Variants in TRHDE observed in about 807,000 individuals in gnomAD.
TRHDE encodes thyrotropin-releasing hormone-degrading ectoenzyme.
In TRHDE, 72 loss-of-function variants were observed where a neutral mutation model predicts 125.7. The ratio of observed to expected loss-of-function variants is 0.57; its 90% CI spans 0.47 to 0.70. TRHDE has a LOEUF of 0.70. Among genes scored for constraint, TRHDE ranks in the 30% least tolerant of loss-of-function variants. The probability of loss-of-function intolerance (pLI) is 0.00; values close to 1 mark genes in which losing one functional copy is unlikely to be tolerated. For synonymous variants in TRHDE, 509 were observed against 509.1 expected (o/e 1.00, Z 0.00); for missense variants, 1,110 against 1,327.1 (o/e 0.84, Z 2.54).
At chr12:72,369,129 A>G (rs1871462620) in intron 2 of TRHDE, among the ~76,000 whole-genome samples, 1 of 152,164 alleles carries the variant, frequency 6.6e-6, no homozygotes, top group Non-Finnish European at 1.5e-5. Context: ...CTATAAAGAG[A>G]TGAAATAAAC....
chr12:72,337,540 A>G (rs548974450), intron 2 of TRHDE, among the ~76,000 whole-genome samples: 10 of 152,208 alleles, frequency 6.6e-5, no homozygotes, highest in African/African-American at 2.4e-4. Context: ...GTATTTATAG[A>G]TTATGATCAG....
At chr12:72,472,509 T>C (rs1174364666) in intron 4 of TRHDE, among the ~76,000 whole-genome samples, 1 of 152,146 alleles carries the variant, frequency 6.6e-6, no homozygotes, top group Non-Finnish European at 1.5e-5. Flanking sequence ...AACCCTTAGT[T>C]TTATCAATCA....
intron 2 of TRHDE, 47 bp from the exon 3 acceptor site, chr12:72,377,948 T>C (rs1871968203): frequency 7.3e-7 from 1 of 1,375,198 alleles, no homozygotes; most frequent in South Asian, 1.5e-5. Context: ...AAGATAAAAC[T>C]CAAGTGCTAA....
At chr12:72,586,105 A>ATTT (rs894493720) in intron 12 of TRHDE, among the ~76,000 whole-genome samples, 2 of 152,076 alleles carry the variant, frequency 1.3e-5, no homozygotes, top group African/African-American at 4.8e-5. Flanking sequence ...CATGAAATCT[A>ATTT]TTTTTGGCTT....
At chr12:72,656,017 A>C (rs997515033) in intron 17 of TRHDE, among the ~76,000 whole-genome samples, 2 of 152,172 alleles carry the variant, frequency 1.3e-5, no homozygotes, top group Non-Finnish European at 2.9e-5. Context: ...TTAGGGAAGC[A>C]CTGGAAAACC....
At chr12:72,215,215 T>C (rs973697033) in intron 2 of TRHDE, among the ~76,000 whole-genome samples, 2 of 151,604 alleles carry the variant, frequency 1.3e-5, no homozygotes, top group African/African-American at 2.4e-5. Context: ...GGTCGCAAGG[T>C]GCTCAGTGGG....
At chr12:72,153,392 T>C (rs1184979713) in intron 2 of TRHDE, among the ~76,000 whole-genome samples, 1 of 152,226 alleles carries the variant, frequency 6.6e-6, no homozygotes, top group African/African-American at 2.4e-5. Flanking sequence ...TGTCTCTATT[T>C]CCTTCAGTTC....
At chr12:72,539,221 AT>A (rs1869022113) in intron 6 of TRHDE, among the ~76,000 whole-genome samples, 2 of 151,820 alleles carry the variant, frequency 1.3e-5, no homozygotes. Flanking sequence ...CATTCATTTT[AT>A]TTTGCTTTGC....
chr12:72,471,282 G>T (rs962169612), intron 4 of TRHDE, among the ~76,000 whole-genome samples: 1 of 152,116 alleles, frequency 6.6e-6, no homozygotes, highest in African/African-American at 2.4e-5. Flanking sequence ...GCTTAAGGGG[G>T]ATCCTTTGCA....
intron 2 of TRHDE, among the ~76,000 whole-genome samples, chr12:72,124,982 A>C (rs1875679555): frequency 6.6e-6 from 1 of 152,174 alleles, no homozygotes; most frequent in Non-Finnish European, 1.5e-5. Flanking sequence ...TTAGGTTTTT[A>C]AATGTTGAGT....
intron 15 of TRHDE, among the ~76,000 whole-genome samples, chr12:72,639,216 T>C (rs1246355441): frequency 6.6e-6 from 1 of 152,030 alleles, no homozygotes; most frequent in Non-Finnish European, 1.5e-5. Context: ...TTTTATTCTT[T>C]TTTCTCTAAA....
intron 2 of TRHDE, among the ~76,000 whole-genome samples, chr12:72,147,129 G>A (rs1876247133): frequency 6.6e-6 from 1 of 151,854 alleles, no homozygotes; most frequent in Non-Finnish European, 1.5e-5. Flanking sequence ...AAAATAGGGG[G>A]TGTGGTGGAC....
At chr12:72,457,216 G>C (rs866227793) in intron 3 of TRHDE, among the ~76,000 whole-genome samples, 1 of 152,060 alleles carries the variant, frequency 6.6e-6, no homozygotes, top group Non-Finnish European at 1.5e-5. Flanking sequence ...TGCAGGCCGA[G>C]GACTAAATTG....
chr12:72,286,074 T>G (rs1428651504), intron 1 of TRHDE, among the ~76,000 whole-genome samples: 1 of 152,232 alleles, frequency 6.6e-6, no homozygotes. Flanking sequence ...GATTATTTAC[T>G]TTTTCAGCAA....
intron 2 of TRHDE, among the ~76,000 whole-genome samples, chr12:72,180,994 C>T (rs1418370683): frequency 6.6e-6 from 1 of 152,132 alleles, no homozygotes; most frequent in Non-Finnish European, 1.5e-5. Flanking sequence ...ATCCAGAGTG[C>T]TAATGACCTG....
intron 3 of TRHDE, among the ~76,000 whole-genome samples, chr12:72,430,411 GTGCATATATATACA>G (rs1407244013): frequency 4.2e-5 from 6 of 142,036 alleles, no homozygotes; most frequent in South Asian, 4.4e-4. Flanking sequence ...GTATATATAT[GTGCATATATATACA>G]TGTATATATA....
intron 2 of TRHDE, among the ~76,000 whole-genome samples, chr12:72,288,856 A>G (rs1879988155): frequency 6.6e-6 from 1 of 152,182 alleles, no homozygotes; most frequent in Non-Finnish European, 1.5e-5. Flanking sequence ...AATAATTTTT[A>G]TGTAGAAATG....
chr12:72,202,380 A>G (rs1433532728), intron 2 of TRHDE, among the ~76,000 whole-genome samples: 1 of 152,230 alleles, frequency 6.6e-6, no homozygotes, highest in Non-Finnish European at 1.5e-5. Flanking sequence ...TGAATTTGGC[A>G]TAGTCCCTGG....
intron 2 of TRHDE, among the ~76,000 whole-genome samples, chr12:72,227,674 T>C (rs2139372299): frequency 6.6e-6 from 1 of 152,256 alleles, no homozygotes; most frequent in South Asian, 2.1e-4. Context: ...CAGTCCAAAG[T>C]CTCATCTGAG....
Sources: allele counts gnomAD v4.1 joint callset (sites outside exome capture counted in the v4.1 genomes callset), GRCh38; gene constraint gnomAD v4.1.1; transcripts MANE v1.5; gene names NCBI Gene and HGNC (gene_info 2026-07-23, HGNC 2026-07-21).